The following GRIN2A variants were observed in gnomAD, a reference collection of about 807,000 sequenced individuals.
The protein encoded by GRIN2A is glutamate receptor ionotropic, NMDA 2A.
In GRIN2A, 22 loss-of-function variants were observed where a neutral mutation model predicts 113.4. The observed-to-expected ratio is 0.19, with a 90% confidence interval of 0.14 to 0.28. The LOEUF (loss-of-function observed/expected upper bound fraction) is 0.28. Among genes scored for constraint, GRIN2A ranks in the 10% least tolerant of loss-of-function variants. The pLI, the probability that GRIN2A is intolerant of heterozygous loss-of-function variation, is 1.00. For synonymous variants in GRIN2A, 827 were observed against 738.4 expected (o/e 1.12, Z -1.94); for missense variants, 1,502 against 1,887.0 (o/e 0.80, Z 3.78).
At chr16:9,988,280 T>C (rs1053468377) in intron 2 of GRIN2A, among the ~76,000 whole-genome samples, 5 of 130,046 alleles carry the variant, frequency 3.8e-5, no homozygotes, top group Non-Finnish European at 6.6e-5. Context: ...TGTGTGTGTG[T>C]GTGCGTGTGT....
chr16:10,084,726 C>G (rs1040006785), intron 2 of GRIN2A, among the ~76,000 whole-genome samples: 1 of 131,908 alleles, frequency 7.6e-6, no homozygotes, highest in Admixed American at 7.6e-5. Flanking sequence ...TCATTCATGT[C>G]TTAATCACCA....
chr16:9,944,764 C>T (rs1166416063), intron 2 of GRIN2A, among the ~76,000 whole-genome samples: 2 of 152,104 alleles, frequency 1.3e-5, no homozygotes, highest in Non-Finnish European at 2.9e-5. Context: ...AGCATCCCCC[C>T]TAGAGTGCAA....
chr16:9,840,056 C>T (rs570259065), intron 7 of GRIN2A, among the ~76,000 whole-genome samples: 4 of 152,086 alleles, frequency 2.6e-5, no homozygotes, highest in Admixed American at 2.0e-4. Context: ...AGGCAGAGGC[C>T]GCAGTAAGCC....
intron 10 of GRIN2A, among the ~76,000 whole-genome samples, chr16:9,813,702 A>G (rs1197576822): frequency 5.3e-5 from 8 of 150,868 alleles, no homozygotes; most frequent in Admixed American, 5.3e-4. Flanking sequence ...CCCCCCGCAA[A>G]AAAAAAAAAG....
intron 10 of GRIN2A, among the ~76,000 whole-genome samples, chr16:9,815,868 G>A (rs965697646): frequency 6.6e-6 from 1 of 152,244 alleles, no homozygotes; most frequent in Non-Finnish European, 1.5e-5. Flanking sequence ...GACAACTCAA[G>A]TGTCCATTGA....
chr16:9,845,737 C>T (rs969997298), intron 5 of GRIN2A, among the ~76,000 whole-genome samples: 1 of 152,200 alleles, frequency 6.6e-6, no homozygotes, highest in African/African-American at 2.4e-5. Flanking sequence ...TCTTCTCATC[C>T]TGTATATATC....
At chr16:9,922,157 G>A (rs2044369525) in intron 3 of GRIN2A, among the ~76,000 whole-genome samples, 3 of 152,122 alleles carry the variant, frequency 2.0e-5, no homozygotes, top group Admixed American at 2.0e-4. Flanking sequence ...TAGGGAGTGT[G>A]ATGATATTGC....
intron 4 of GRIN2A, among the ~76,000 whole-genome samples, chr16:9,864,931 G>A (rs2043137185): frequency 6.6e-6 from 1 of 152,142 alleles, no homozygotes. Context: ...GTTATTATGA[G>A]GATGCTAACC....
At chr16:9,965,728 A>G (rs2045544910) in intron 2 of GRIN2A, among the ~76,000 whole-genome samples, 1 of 152,178 alleles carries the variant, frequency 6.6e-6, no homozygotes, top group Admixed American at 6.5e-5. Context: ...CAGGATCACA[A>G]TCAAGGGTGA....
chr16:10,091,954 C>A (rs1027421022), intron 2 of GRIN2A, among the ~76,000 whole-genome samples: 1 of 152,106 alleles, frequency 6.6e-6, no homozygotes, highest in African/African-American at 2.4e-5. Flanking sequence ...GTTGCAAAAT[C>A]TGTAACTTTA....
rs534253532 is a variant in GRIN2A, at chr16:10,016,642, C to T, written c.415-78091G>A. 5.3e-5 allele frequency among the ~76,000 whole-genome samples: 8 copies of T among 152,248 alleles called. No homozygotes were observed. The South Asian group carries it at 6.2e-4, about 12-fold the overall frequency. On this transcript the variant is annotated intron_variant, in intron 2 of 12. Transcript: ENST00000330684. The stretch of plus-strand genomic sequence containing the variant: ...GGATAAATGGATAACAACGGAGAGA[C>T]GAAGAATTTATTGTAGTTGTGTTTT...
intron 3 of GRIN2A, among the ~76,000 whole-genome samples, chr16:9,891,880 T>C (rs994993817): frequency 1.3e-5 from 2 of 151,950 alleles, no homozygotes; most frequent in African/African-American, 2.4e-5. Context: ...GCTGAGAAGA[T>C]GAATAGGAAC....
At chr16:9,883,276 AT>A (rs2043520471) in intron 4 of GRIN2A, among the ~76,000 whole-genome samples, 1 of 152,198 alleles carries the variant, frequency 6.6e-6, no homozygotes, top group African/African-American at 2.4e-5. Flanking sequence ...ATACCAACAG[AT>A]CATAGAGGGG....
intron 4 of GRIN2A, among the ~76,000 whole-genome samples, chr16:9,867,298 A>G (rs1171299441): frequency 6.6e-6 from 1 of 152,038 alleles, no homozygotes. Context: ...TCCTAATTGC[A>G]TCTCTCCCAT....
At chr16:9,888,866 T>C (rs1056966630) in intron 4 of GRIN2A, among the ~76,000 whole-genome samples, 2 of 152,146 alleles carry the variant, frequency 1.3e-5, no homozygotes, top group African/African-American at 4.8e-5. Flanking sequence ...GAAATGACCA[T>C]ATTTCCCCCT....
intron 4 of GRIN2A, among the ~76,000 whole-genome samples, chr16:9,864,955 A>C (rs1370368270): frequency 1.3e-5 from 2 of 152,218 alleles, no homozygotes; most frequent in African/African-American, 4.8e-5. Flanking sequence ...GCCGTTGTGC[A>C]TGGGTGAAAT....
intron 10 of GRIN2A, among the ~76,000 whole-genome samples, chr16:9,813,564 A>T (rs1375163321): frequency 7.1e-6 from 1 of 140,408 alleles, no homozygotes. Flanking sequence ...TTATGATCTC[A>T]CTTTATTTAA....
At chr16:9,795,860 A>G (rs1902953435) in intron 11 of GRIN2A, among the ~76,000 whole-genome samples, 2 of 152,218 alleles carry the variant, frequency 1.3e-5, no homozygotes, top group African/African-American at 2.4e-5. Flanking sequence ...GGATTTATAC[A>G]TCTCAAGAGT....
chr16:9,796,012 T>C (rs1193062548), intron 11 of GRIN2A, among the ~76,000 whole-genome samples: 1 of 152,182 alleles, frequency 6.6e-6, no homozygotes, highest in African/African-American at 2.4e-5. Context: ...TTCAATTTCC[T>C]CCTCTGTAAA....
Sources: allele counts gnomAD v4.1 joint callset (sites outside exome capture counted in the v4.1 genomes callset), GRCh38; gene constraint gnomAD v4.1.1; transcripts MANE v1.5; gene names NCBI Gene and HGNC (gene_info 2026-07-23, HGNC 2026-07-21).